CNDP1: variants seen among roughly 807,000 people sequenced by gnomAD.
The protein encoded by CNDP1 is beta-Ala-His dipeptidase.
In CNDP1, 44 loss-of-function variants were observed where a neutral mutation model predicts 58.1. The ratio of observed to expected loss-of-function variants is 0.76; its 90% confidence interval spans 0.60 to 0.97. CNDP1 has a LOEUF of 0.97. Among genes scored for constraint, CNDP1 ranks in the 50% least tolerant of loss-of-function variants. The probability of loss-of-function intolerance (pLI) is 0.00; values close to 1 mark genes in which losing one functional copy is unlikely to be tolerated. For synonymous variants in CNDP1, 254 were observed against 252.6 expected, an observed-to-expected ratio of 1.01 and a Z score of -0.05; for missense variants, 616 against 655.1, an observed-to-expected ratio of 0.94 and a Z score of 0.65.
At chr18:74,557,530 C>T (rs1296940985) in intron 2 of CNDP1, among the ~76,000 whole-genome samples, 1 of 152,080 alleles carries the variant, frequency 6.6e-6, no homozygotes, top group Non-Finnish European at 1.5e-5. Context: ...ACAGACTCAC[C>T]AGCTCCTCCC....
chr18:74,583,755 C>CG, intron 11 of CNDP1, 47 bp downstream of exon 11: 2 of 1,594,290 alleles, frequency 1.3e-6, no homozygotes, highest in Admixed American at 1.7e-5. Flanking sequence ...TCCTTTACTG[C>CG]ACACACCCGG....
intron 9 of CNDP1, 126 bp from the exon 10 acceptor site, chr18:74,580,004 G>A (rs1028648215): frequency 6.2e-6 from 5 of 809,512 alleles, no homozygotes; most frequent in Admixed American, 2.6e-5. Context: ...TCAGGCTGGG[G>A]CTTCAGTTTC....
intron 1 of CNDP1, among the ~76,000 whole-genome samples, chr18:74,541,018 C>G (rs1330790232): frequency 6.6e-6 from 1 of 152,232 alleles, no homozygotes; most frequent in Non-Finnish European, 1.5e-5. Flanking sequence ...ACATTAAATG[C>G]TAGTTCCAGA....
intron 2 of CNDP1, among the ~76,000 whole-genome samples, chr18:74,558,024 C>T (rs1161820781): frequency 1.3e-5 from 2 of 152,240 alleles, no homozygotes; most frequent in African/African-American, 2.4e-5. Flanking sequence ...ATCCACTGAA[C>T]TTATGGAGAA....
At chr18:74,577,949 G>T in intron 8 of CNDP1, 1 of 462,954 alleles carries the variant, frequency 2.2e-6, no homozygotes, top group Non-Finnish European at 3.8e-6. Flanking sequence ...ACTCATCAAT[G>T]GGGAGCATTG....
At chr18:74,543,766 A>G (rs528544525) in intron 1 of CNDP1, among the ~76,000 whole-genome samples, 72 of 152,294 alleles carry the variant, frequency 4.7e-4, no homozygotes, top group African/African-American at 1.7e-3. Context: ...AAAGACTCCA[A>G]TGTAGTAGGA....
intron 6 of CNDP1, among the ~76,000 whole-genome samples, chr18:74,568,274 A>C (rs1484891586): frequency 6.6e-6 from 1 of 152,192 alleles, no homozygotes; most frequent in Non-Finnish European, 1.5e-5. Context: ...CGTGTGAAAA[A>C]CAGTGAGTGC....
chr18:74,555,096 A>C (rs1311393366), intron 1 of CNDP1, among the ~76,000 whole-genome samples: 1 of 152,178 alleles, frequency 6.6e-6, no homozygotes, highest in Non-Finnish European at 1.5e-5. Context: ...CACCTACGGA[A>C]AGGTGGGCAT....
rs1368593752 is a variant in CNDP1 at position 74,580,228 on chromosome 18, T to C, written c.1266T>C (p.Ile422=). ...TLGLHPWIAN[I]DDTQYLAAKR... Reference sequence around the variant, plus strand: ...GACTACACCCGTGGATTGCAAATATTGATGACACCCAGTATCTCGCAGCAA... The same window carrying C: ...GACTACACCCGTGGATTGCAAATATCGATGACACCCAGTATCTCGCAGCAA... Residue 422 remains isoleucine, a synonymous_variant, in exon 10 of 12, where the codon ATT becomes ATC. Coordinates refer to ENST00000358821, the MANE Select transcript of CNDP1 (RefSeq NM_032649.6). The C allele has an allele frequency of 6.2e-7, 1 of 1,614,192 alleles. No individual in the cohort carries two copies. Among genetic ancestry groups the C allele is most frequent in the East Asian group, 2.2e-5 (1 of 44,876 alleles).
chr18:74,561,503 A>G (rs546963162), intron 4 of CNDP1: 20 of 156,086 alleles, frequency 1.3e-4, no homozygotes, highest in African/African-American at 4.3e-4. Context: ...ATTTGTGAAA[A>G]AAACGGTAAA....
rs765374807 is a variant in CNDP1 at position 74,556,405 on chromosome 18, C to T, written c.92C>T (p.Pro31Leu). ...GGCATGTTCTCCTCACCCTCCCCGC[C>T]CCCGGCGCTGTTAGAGAAAGTCTTC... ...ERGMFSSPSP[P>L]PALLEKVFQY... is the part of the protein sequence containing the mutation. The change falls in exon 2 of 12, where the codon CCC (proline) becomes CTC (leucine). Residue 31 changes from proline to leucine, a missense_variant. Pro to Leu is a moderately conservative substitution (Grantham distance 98, BLOSUM62 -3). Transcript: ENST00000358821. 20 of 1,614,224 alleles carry T rather than the reference C, an allele frequency of 1.2e-5. No homozygotes were observed. In the East Asian group the frequency reaches 4.2e-4, roughly 34 times the overall value.
intron 3 of CNDP1, among the ~76,000 whole-genome samples, chr18:74,560,007 A>ATTAT (rs1599093743): frequency 2.0e-5 from 1 of 51,138 alleles, no homozygotes. Context: ...TGTCATCTGC[A>ATTAT]TTCTTTTTTT....
intron 1 of CNDP1, among the ~76,000 whole-genome samples, chr18:74,546,802 G>A (rs567746289): frequency 6.6e-6 from 1 of 152,340 alleles, no homozygotes; most frequent in African/African-American, 2.4e-5. Context: ...CTAGCGAACT[G>A]GGTAAACTTT....
intron 1 of CNDP1, among the ~76,000 whole-genome samples, chr18:74,540,296 T>G (rs1980586382): frequency 6.6e-6 from 1 of 152,118 alleles, no homozygotes; most frequent in Admixed American, 6.6e-5. Context: ...TAGCTGGGAT[T>G]GCAGGTGCCC....
intron 2 of CNDP1, among the ~76,000 whole-genome samples, chr18:74,558,203 T>G (rs2144653979): frequency 6.6e-6 from 1 of 152,162 alleles, no homozygotes; most frequent in South Asian, 2.1e-4. Context: ...TCTGTGTAGT[T>G]TTTCATAAAA....
chr18:74,556,295 G>T, intron 1 of CNDP1, 43 bp from the exon 2 acceptor site: 1 of 1,599,264 alleles, frequency 6.3e-7, no homozygotes, highest in South Asian at 1.1e-5. Context: ...TCCAGCAACT[G>T]GCATTGATTT....
intron 1 of CNDP1, among the ~76,000 whole-genome samples, chr18:74,536,771 G>A (rs888241631): frequency 2.0e-5 from 3 of 152,206 alleles, no homozygotes. Flanking sequence ...CAACGTATAA[G>A]TTTTCCCTTT....
intron 2 of CNDP1, among the ~76,000 whole-genome samples, chr18:74,557,730 T>C (rs1429674733): frequency 6.6e-6 from 1 of 152,208 alleles, no homozygotes; most frequent in Non-Finnish European, 1.5e-5. Flanking sequence ...ACATCATGTC[T>C]GGCACAGGAC....
intron 1 of CNDP1, among the ~76,000 whole-genome samples, chr18:74,538,382 C>T (rs1246114025): frequency 6.6e-6 from 1 of 152,182 alleles, no homozygotes; most frequent in African/African-American, 2.4e-5. Flanking sequence ...CTTTTCATGG[C>T]CAAATAATAC....
Sources: gnomAD v4.1 joint callset for allele counts (sites outside exome capture counted in the v4.1 genomes callset) on GRCh38, gnomAD v4.1.1 for gene constraint, MANE v1.5 for transcripts, NCBI Gene and HGNC (gene_info 2026-07-23, HGNC 2026-07-21) for gene names.